DPP8: variants seen among roughly 807,000 people sequenced by gnomAD.
The protein encoded by DPP8 is dipeptidyl peptidase 8.
In DPP8, 31 loss-of-function variants were observed where a neutral mutation model predicts 107.5. The ratio of observed to expected loss-of-function variants is 0.29; its 90% confidence interval spans 0.22 to 0.39. DPP8 has a LOEUF of 0.39. Among genes scored for constraint, DPP8 ranks in the 10% least tolerant of loss-of-function variants. The pLI is 1.00. For missense variants in DPP8, 842 were observed against 1,076.1 expected (o/e 0.78, Z 3.04); for synonymous variants, 381 against 356.6 (o/e 1.07, Z -0.77).
intron 15 of DPP8, among the ~76,000 whole-genome samples, chr15:65,461,221 T>G (rs1348929630): frequency 6.6e-6 from 1 of 152,184 alleles, no homozygotes; most frequent in Non-Finnish European, 1.5e-5. Flanking sequence ...TATGACTCAC[T>G]GCAACCTCGA....
intron 11 of DPP8, among the ~76,000 whole-genome samples, chr15:65,477,898 A>T (rs1369166933): frequency 6.6e-6 from 1 of 152,148 alleles, no homozygotes; most frequent in African/African-American, 2.4e-5. Context: ...TTAAGCATAC[A>T]ACATAACTTA....
At position 65,458,386 on chromosome 15, in the gene DPP8, G is replaced by A. The variant is rs558302568; in HGVS notation, c.1972-2015C>T. Among the ~76,000 whole-genome samples the A allele has an allele frequency of 2.1e-3, 327 of 152,098 alleles. 7 individuals carry two copies. Among genetic ancestry groups the A allele is most frequent in the Non-Finnish European group, 3.1e-4 (21 of 68,004 alleles). ...AGCAATTCTCGTGCCTCAGCCTCCC[G>A]AGTAGCTGGGATTATAGGTGTGCAC... On this transcript the variant is annotated intron_variant, in intron 15 of 19. Transcript: ENST00000300141.
At chr15:65,493,784 T>C (rs553416466) in intron 5 of DPP8, among the ~76,000 whole-genome samples, 1 of 152,288 alleles carries the variant, frequency 6.6e-6, no homozygotes, top group East Asian at 1.9e-4. Flanking sequence ...TAGGATTTTA[T>C]TACTTTTAAA....
intron 18 of DPP8, 90 bp downstream of exon 18, chr15:65,451,870 A>T: frequency 2.3e-6 from 3 of 1,293,464 alleles, no homozygotes; most frequent in Non-Finnish European, 3.1e-6. Flanking sequence ...CGCTGCAGGG[A>T]GCCCTGATCA....
intron 11 of DPP8, among the ~76,000 whole-genome samples, chr15:65,474,650 T>C (rs1236213908): frequency 6.6e-6 from 1 of 152,184 alleles, no homozygotes; most frequent in Non-Finnish European, 1.5e-5. Context: ...AATTATTATT[T>C]TGGTAGCAAT....
chr15:65,502,794 A>G (rs2069407448), intron 3 of DPP8: 1 of 152,202 alleles, frequency 6.6e-6, no homozygotes, highest in South Asian at 2.1e-4. Context: ...GTGTCACTAA[A>G]GTTGGTATAC....
chr15:65,490,843 G>A (rs2067957905), intron 5 of DPP8, among the ~76,000 whole-genome samples: 1 of 152,036 alleles, frequency 6.6e-6, no homozygotes, highest in Non-Finnish European at 1.5e-5. Context: ...CGTTTTAAAA[G>A]AAAACCACAA....
At chr15:65,503,856 T>A (rs1036189669) in intron 3 of DPP8, among the ~76,000 whole-genome samples, 2 of 151,028 alleles carry the variant, frequency 1.3e-5, no homozygotes, top group African/African-American at 4.9e-5. Flanking sequence ...AACTCCTGAC[T>A]TCAAGTGATC....
chr15:65,474,825 T>A (rs946633883), intron 11 of DPP8, among the ~76,000 whole-genome samples: 5 of 152,316 alleles, frequency 3.3e-5, no homozygotes, highest in African/African-American at 9.6e-5. Flanking sequence ...AAGTCTACAG[T>A]TAAAAAAAAT....
intron 10 of DPP8, among the ~76,000 whole-genome samples, chr15:65,479,610 C>T (rs1018237681): frequency 1.3e-5 from 2 of 151,258 alleles, no homozygotes; most frequent in Non-Finnish European, 2.9e-5. Context: ...TTTGGGAGGC[C>T]GAGGCGGGTG....
Position 65,517,681 on chromosome 15 carries a change from A to C in DPP8, c.-207T>G, listed in dbSNP as rs1457739932. On this transcript the variant is annotated 5_prime_UTR_variant, in exon 1 of 20. Transcript: ENST00000300141. ...CAGCGGCCTTGGCCTCGGAGGCTTTAGCACTTCCGGTTCGTTGCGATCCGC... is the reference window on the plus strand; with the variant it reads ...CAGCGGCCTTGGCCTCGGAGGCTTTCGCACTTCCGGTTCGTTGCGATCCGC... The C allele has an allele frequency of 2.0e-5, 3 of 152,388 alleles. No homozygotes were observed. Among genetic ancestry groups the C allele is most frequent in the Admixed American group, 2.0e-4 (3 of 15,270 alleles). 9.4% of individuals were successfully genotyped at this position (152,388 alleles called of 1,614,324 possible). A position where few individuals can be genotyped will look rare whatever the true frequency, so the allele number is the denominator to read the frequency against.
Position 65,443,474 on chromosome 15 carries a change from G to A in DPP8, c.*3410C>T, listed in dbSNP as rs1482203318. 1 of 141,924 alleles carries A rather than the reference G, an allele frequency of 7.0e-6. No individual in the cohort carries two copies. The highest frequency in any genetic ancestry group is 1.5e-5 in the Non-Finnish European group (1 of 66,822). The allele number at this position is 141,924 out of a possible 1,614,324, so 8.8% of individuals were successfully genotyped here. ...ATAGAAAGGCGGGCTATACTTTCTG[G>A]AAGGAATAAAACAAGTAGTAAAAAA... On this transcript the variant is annotated 3_prime_UTR_variant, in exon 20 of 20. Transcript: ENST00000300141.
intron 7 of DPP8, 123 bp downstream of exon 7, chr15:65,487,567 C>A: frequency 1.1e-6 from 1 of 881,118 alleles, no homozygotes; most frequent in Non-Finnish European, 1.8e-6. Context: ...ACTTAGTGAA[C>A]AACCCGTCGT....
At chr15:65,479,916 A>G (rs1453623514) in intron 10 of DPP8, among the ~76,000 whole-genome samples, 2 of 151,998 alleles carry the variant, frequency 1.3e-5, no homozygotes, top group Non-Finnish European at 2.9e-5. Flanking sequence ...CATAAAAGAG[A>G]AAGTCTTTTC....
chr15:65,454,685 C>A (rs1000640744), intron 16 of DPP8, among the ~76,000 whole-genome samples: 1 of 152,120 alleles, frequency 6.6e-6, no homozygotes, highest in African/African-American at 2.4e-5. Flanking sequence ...CGCCACCATG[C>A]CCAGCTAATT....
At chr15:65,447,035 A>T (rs2140290021) in intron 19 of DPP8, 29 bp from the exon 20 acceptor site, 1 of 1,393,556 alleles carries the variant, frequency 7.2e-7, no homozygotes, top group African/African-American at 1.5e-5. Context: ...TAAAGATACA[A>T]AAAAAAAAAA....
In DPP8 at chr15:65,467,091, G is replaced by C. The variant is rs763349508; in HGVS notation, c.1669C>G (p.His557Asp). Residue 557 changes from histidine to aspartate, a missense_variant, in exon 13 of 20, where the codon CAT becomes GAT. Around this residue, in one of 2 missense-constraint regions of DPP8, gnomAD observed 663 missense variants for 758.0 expected, o/e 0.87. Coordinates refer to ENST00000300141, the MANE Select transcript of DPP8 (RefSeq NM_130434.5). ...AATACCTGACTGATGCAGCAAGAAT[G>C]TGAGTAGCCACGGTCAGTCAGCCTT... ...VTRLTDRGYS[H>D]SCCISQHCDF... is the part of the protein sequence containing the mutation. 2 of 1,614,160 alleles carry C rather than the reference G, an allele frequency of 1.2e-6. No homozygotes were observed. Among genetic ancestry groups the C allele is most frequent in the Non-Finnish European group, 1.7e-6 (2 of 1,180,024 alleles).
Position 65,481,622 on chromosome 15 carries a change from A to T in DPP8, c.1018-7T>A. The stretch of plus-strand genomic sequence containing the variant: ...TATCTATGACATCTATGATCTATTA[A>T]AAAAGAAAAAAAAAGAATCTAGTTA... On this transcript the variant is annotated splice_region_variant and splice_polypyrimidine_tract_variant and intron_variant, in intron 8 of 19. Coordinates refer to ENST00000300141, the MANE Select transcript of DPP8 (RefSeq NM_130434.5). 1 of 1,274,984 alleles carries T rather than the reference A, an allele frequency of 7.8e-7. No individual in the cohort carries two copies. The highest frequency in any genetic ancestry group is 1.1e-6 in the Non-Finnish European group (1 of 916,320). The allele number at this position is 1,274,984 out of a possible 1,614,324, so 79.0% of individuals were successfully genotyped here. A position where few individuals can be genotyped will look rare whatever the true frequency, so the allele number is the denominator to read the frequency against.
chr15:65,456,427 G>A (rs2064426334), intron 15 of DPP8, 56 bp from the exon 16 acceptor site: 1 of 1,530,494 alleles, frequency 6.5e-7, no homozygotes, highest in African/African-American at 1.4e-5. Flanking sequence ...AAACCCAAGA[G>A]CGGCTGGGCA....
Sources: allele counts gnomAD v4.1 joint callset (sites outside exome capture counted in the v4.1 genomes callset), GRCh38; gene constraint gnomAD v4.1.1; regional missense constraint gnomAD v4.1.1; transcripts MANE v1.5; gene names NCBI Gene and HGNC (gene_info 2026-07-23, HGNC 2026-07-21).